Variants in MAGI2 observed in about 807,000 individuals in gnomAD.
MAGI2 encodes the protein membrane associated guanylate kinase, WW and PDZ domain containing 2, also known as membrane-associated guanylate kinase, WW and PDZ domain-containing protein 2.
Under a neutral mutation model 133.3 loss-of-function variants are expected in MAGI2, and 35 were observed. That is an observed-to-expected ratio of 0.26 (90% CI 0.20 to 0.35). The LOEUF is 0.35. Among genes scored for constraint, MAGI2 ranks in the 10% least tolerant of loss-of-function variants. The pLI is 1.00. For synonymous variants in MAGI2, 729 were observed against 710.6 expected (o/e 1.03, Z -0.41); for missense variants, 1,636 against 1,863.4 (o/e 0.88, Z 2.25).
intron 1 of MAGI2, among the ~76,000 whole-genome samples, chr7:79,355,181 C>T (rs1217990750): frequency 1.3e-5 from 2 of 152,180 alleles, no homozygotes; most frequent in Non-Finnish European, 2.9e-5. Context: ...ATTCTTCCCC[C>T]TCTCACTCTC....
At chr7:78,245,851 C>G (rs1287635325) in intron 10 of MAGI2, among the ~76,000 whole-genome samples, 1 of 152,114 alleles carries the variant, frequency 6.6e-6, no homozygotes, top group Non-Finnish European at 1.5e-5. Context: ...TGCCTTGCCC[C>G]CTGTGACCCA....
At chr7:78,423,552 AACAGTTTGGAGGACTC>A (rs1465104334) in intron 6 of MAGI2, among the ~76,000 whole-genome samples, 5 of 152,190 alleles carry the variant, frequency 3.3e-5, no homozygotes, top group African/African-American at 4.8e-5. Context: ...CAGAGGTTGG[AACAGTTTGGAGGACTC>A]AGAAGAAGAT....
Position 78,477,010 on chromosome 7 carries a change from A to T in MAGI2, c.1045+12751T>A, listed in dbSNP as rs144578641. 3.3e-5 allele frequency among the ~76,000 whole-genome samples: 5 copies of T among 152,098 alleles called. No individual in the cohort carries two copies. The East Asian group carries it at 7.8e-4, about 24-fold the overall frequency. On this transcript the variant is annotated intron_variant, in intron 6 of 21. Transcript: ENST00000354212. ...GGAAATCAGATCGTCTCACTTCAGC[A>T]ACTGAAATTAAACCCCTCTTCTTTT...
chr7:78,435,134 A>G (rs1273691398), intron 6 of MAGI2, among the ~76,000 whole-genome samples: 1 of 152,156 alleles, frequency 6.6e-6, no homozygotes, highest in East Asian at 1.9e-4. Context: ...TGATCTATAA[A>G]TGGGGGTAAT....
intron 1 of MAGI2, among the ~76,000 whole-genome samples, chr7:79,190,667 G>C (rs1827570878): frequency 6.6e-6 from 1 of 151,616 alleles, no homozygotes; most frequent in African/African-American, 2.4e-5. Flanking sequence ...TTTTTGGTTT[G>C]GGTATTTGCA....
At position 78,019,836 on chromosome 7, in the gene MAGI2, C is replaced by A; in HGVS notation, c.3847G>T (p.Gly1283Cys). ...TCCCGTTTGATATCCCAAGTTGGGC[C>A]TGGGCTTATCTGGTGGGAAGGGTCG... ...PSDPSHQISP[G>C]PTWDIKREHD... Residue 1283 changes from glycine to cysteine, a missense_variant, in exon 22 of 22, where the codon GGC becomes TGC. Gly to Cys is a radical substitution (Grantham distance 159). Coordinates refer to ENST00000354212, the MANE Select transcript of MAGI2 (RefSeq NM_012301.4). The A allele has an allele frequency of 6.2e-7, 1 of 1,613,594 alleles. No individual in the cohort carries two copies. The highest frequency in any genetic ancestry group is 1.1e-5 in the South Asian group (1 of 91,070).
intron 2 of MAGI2, among the ~76,000 whole-genome samples, chr7:78,954,786 C>A (rs563267044): frequency 1.3e-3 from 194 of 152,074 alleles, no homozygotes; most frequent in African/African-American, 4.5e-3. Context: ...TGTGATCATT[C>A]TTTTTTTAAA....
chr7:78,281,317 CAT>C (rs944797343), intron 9 of MAGI2, among the ~76,000 whole-genome samples: 14 of 152,114 alleles, frequency 9.2e-5, no homozygotes, highest in South Asian at 4.1e-4. Flanking sequence ...ATAATCCCCA[CAT>C]GTCAAGGGAG....
In MAGI2 at chr7:79,453,439, G is replaced by GC; in HGVS notation, c.-120dup. 2.7e-6 allele frequency: 4 copies of GC among 1,493,814 alleles called. No homozygotes were observed. Among genetic ancestry groups the GC allele is most frequent in the Non-Finnish European group, 2.7e-6 (3 of 1,129,384 alleles). The allele number at this position is 1,493,814 out of a possible 1,614,324, so 92.5% of individuals were successfully genotyped here. A position where few individuals can be genotyped will look rare whatever the true frequency, so the allele number is the denominator to read the frequency against. On this transcript the variant is annotated 5_prime_UTR_variant, in exon 1 of 22. Coordinates refer to ENST00000354212, the MANE Select transcript of MAGI2 (RefSeq NM_012301.4). ...GGGAAGAACAGCAGACTTTGCCTTC[G>GC]CCCCCCTCTATTCGGTGCTTTCCCT...
chr7:79,104,910 A>G (rs1215256203), intron 1 of MAGI2, among the ~76,000 whole-genome samples: 1 of 152,172 alleles, frequency 6.6e-6, no homozygotes, highest in African/African-American at 2.4e-5. Context: ...CTAAACATAC[A>G]AAGTTTTATC....
At chr7:79,133,364 C>A (rs1821109240) in intron 1 of MAGI2, among the ~76,000 whole-genome samples, 1 of 152,174 alleles carries the variant, frequency 6.6e-6, no homozygotes, top group African/African-American at 2.4e-5. Flanking sequence ...CATTCTTCTG[C>A]ATGTGGCTTG....
intron 1 of MAGI2, among the ~76,000 whole-genome samples, chr7:79,387,875 C>T (rs1844304108): frequency 6.6e-6 from 1 of 151,614 alleles, no homozygotes; most frequent in Admixed American, 6.6e-5. Flanking sequence ...ATAATCAAGT[C>T]AAATATTTAA....
chr7:79,287,184 C>T (rs932952354), intron 1 of MAGI2, among the ~76,000 whole-genome samples: 1 of 152,060 alleles, frequency 6.6e-6, no homozygotes, highest in Non-Finnish European at 1.5e-5. Context: ...TCATCCCAGA[C>T]CTACTGAATA....
intron 1 of MAGI2, among the ~76,000 whole-genome samples, chr7:79,165,499 G>T (rs372978731): frequency 6.6e-6 from 1 of 151,972 alleles, no homozygotes; most frequent in South Asian, 2.1e-4. Flanking sequence ...ATACAAAAAA[G>T]TCTAAAGGAG....
At chr7:79,348,685 GA>G (rs907643396) in intron 1 of MAGI2, among the ~76,000 whole-genome samples, 2 of 151,552 alleles carry the variant, frequency 1.3e-5, no homozygotes, top group Non-Finnish European at 3.0e-5. Context: ...GGCCATCAGA[GA>G]AAATCAACTT....
intron 1 of MAGI2, among the ~76,000 whole-genome samples, chr7:79,359,167 G>C (rs1842213347): frequency 6.6e-6 from 1 of 151,896 alleles, no homozygotes; most frequent in Admixed American, 6.6e-5. Flanking sequence ...AAAAATAGTG[G>C]AAAATATTAA....
At chr7:78,795,792 C>CAT (rs1234969039) in intron 2 of MAGI2, among the ~76,000 whole-genome samples, 1 of 152,028 alleles carries the variant, frequency 6.6e-6, no homozygotes, top group Non-Finnish European at 1.5e-5. Flanking sequence ...TAAAAACAGA[C>CAT]ATATAGACCA....
intron 2 of MAGI2, among the ~76,000 whole-genome samples, chr7:78,741,843 A>G (rs2151255684): frequency 6.6e-6 from 1 of 152,212 alleles, no homozygotes; most frequent in South Asian, 2.1e-4. Flanking sequence ...ATAGATACCA[A>G]TGCACTTATA....
At chr7:79,274,957 T>C (rs767063059) in intron 1 of MAGI2, among the ~76,000 whole-genome samples, 2 of 152,200 alleles carry the variant, frequency 1.3e-5, no homozygotes, top group Non-Finnish European at 2.9e-5. Context: ...ATAAATGCTG[T>C]AAGTGTTCTA....
Sources: gnomAD v4.1 joint callset for allele counts (sites outside exome capture counted in the v4.1 genomes callset) on GRCh38, gnomAD v4.1.1 for gene constraint, MANE v1.5 for transcripts, NCBI Gene and HGNC (gene_info 2026-07-23, HGNC 2026-07-21) for gene names.